Variants in ROBO2 observed in about 807,000 individuals in gnomAD.
ROBO2 encodes roundabout homolog 2.
In ROBO2, 53 loss-of-function variants were observed where a neutral mutation model predicts 160.8. The ratio of observed to expected loss-of-function variants is 0.33; its 90% CI spans 0.26 to 0.41. The LOEUF (loss-of-function observed/expected upper bound fraction) is 0.41, where lower values mean the gene tolerates loss of function less well. ROBO2 is among the 10% of genes least tolerant of loss of function. ROBO2 has a pLI of 1.00. For missense variants in ROBO2, 1,577 were observed against 1,722.4 expected (o/e 0.92, Z 1.49); for synonymous variants, 664 against 611.7 (o/e 1.09, Z -1.26).
intron 2 of ROBO2, among the ~76,000 whole-genome samples, chr3:76,645,821 C>G (rs2090939072): frequency 6.6e-6 from 1 of 152,160 alleles, no homozygotes; most frequent in South Asian, 2.1e-4. Flanking sequence ...AAAAGGCTTA[C>G]AATTACTTTC....
chr3:76,814,741 C>A (rs2065511249), intron 2 of ROBO2, among the ~76,000 whole-genome samples: 1 of 151,932 alleles, frequency 6.6e-6, no homozygotes, highest in African/African-American at 2.4e-5. Context: ...TTATAAAATT[C>A]ATCTGGTAGC....
intron 2 of ROBO2, among the ~76,000 whole-genome samples, chr3:76,965,669 TA>T (rs375028767): frequency 0.097 from 11,929 of 122,626 alleles, 1,578 homozygotes; most frequent in African/African-American, 0.31. Flanking sequence ...CTATCAAAGG[TA>T]AAAAAAAAAA....
At chr3:76,159,281 G>A (rs2072527827) in intron 2 of ROBO2, among the ~76,000 whole-genome samples, 1 of 152,108 alleles carries the variant, frequency 6.6e-6, no homozygotes, top group Admixed American at 6.6e-5. Flanking sequence ...TTTCATACAA[G>A]CCCATGAAAC....
At chr3:77,065,072 A>G (rs982165254) in intron 1 of ROBO2, among the ~76,000 whole-genome samples, 3 of 152,208 alleles carry the variant, frequency 2.0e-5, no homozygotes, top group Non-Finnish European at 4.4e-5. Context: ...AATCAAGGGC[A>G]CTAAGTAAAT....
intron 2 of ROBO2, among the ~76,000 whole-genome samples, chr3:76,637,541 G>A (rs2109598886): frequency 6.6e-6 from 1 of 152,114 alleles, no homozygotes; most frequent in East Asian, 1.9e-4. Context: ...GAGTGTGGAG[G>A]CTGATTTTTT....
intron 1 of ROBO2, among the ~76,000 whole-genome samples, chr3:77,075,615 C>A (rs760745310): frequency 3.5e-4 from 51 of 145,648 alleles, no homozygotes; most frequent in Non-Finnish European, 6.0e-4. Context: ...ACAAAATATG[C>A]TATTTTTTTA....
At chr3:77,349,097 G>A (rs1277953091) in intron 2 of ROBO2, among the ~76,000 whole-genome samples, 2 of 151,888 alleles carry the variant, frequency 1.3e-5, no homozygotes, top group Non-Finnish European at 2.9e-5. Flanking sequence ...AGGTATTTTT[G>A]TCTGCTTTTT....
At chr3:76,251,007 G>T (rs1395485983) in intron 2 of ROBO2, among the ~76,000 whole-genome samples, 1 of 152,018 alleles carries the variant, frequency 6.6e-6, no homozygotes, top group African/African-American at 2.4e-5. Flanking sequence ...ATAACCAGCT[G>T]CAGCCTTGGC....
intron 2 of ROBO2, among the ~76,000 whole-genome samples, chr3:76,118,522 TC>T: frequency 6.6e-6 from 1 of 152,174 alleles, no homozygotes; most frequent in Non-Finnish European, 1.5e-5. Flanking sequence ...TCAGATTCTT[TC>T]CCTTCAAAAG....
chr3:76,524,826 T>TAAA (rs58091252), intron 2 of ROBO2, among the ~76,000 whole-genome samples: 31 of 21,728 alleles, frequency 1.4e-3, no homozygotes, highest in Non-Finnish European at 1.8e-3. Flanking sequence ...CTCTTATTCC[T>TAAA]AAAAAAAAAA....
exon 26 of ROBO2, chr3:77,646,189 A>T: frequency 1.8e-6 from 1 of 542,562 alleles, no homozygotes; most frequent in Non-Finnish European, 3.2e-6. Flanking sequence ...ATGTAAAGAC[A>T]CACAGCCACA....
chr3:77,397,581 T>A (rs1433590457), intron 2 of ROBO2, among the ~76,000 whole-genome samples: 1 of 152,156 alleles, frequency 6.6e-6, no homozygotes, highest in Non-Finnish European at 1.5e-5. Context: ...CTTGATGCCC[T>A]CCTGTGTATT....
chr3:76,989,832 G>T (rs2060571939), intron 2 of ROBO2, among the ~76,000 whole-genome samples: 2 of 152,138 alleles, frequency 1.3e-5, no homozygotes, highest in Admixed American at 6.5e-5. Flanking sequence ...TATATAGTTT[G>T]TCTGTGTGTA....
chr3:76,657,711 TGTATATATATTCATATATGAG>T (rs1184788299), intron 2 of ROBO2, among the ~76,000 whole-genome samples: 37 of 136,588 alleles, frequency 2.7e-4, no homozygotes, highest in African/African-American at 1.2e-3. Flanking sequence ...CATATATGTG[TGTATATATATTCATATATGAG>T]TGTATATATA....
At chr3:76,560,663 C>T (rs555302207) in intron 2 of ROBO2, among the ~76,000 whole-genome samples, 4 of 150,176 alleles carry the variant, frequency 2.7e-5, no homozygotes, top group South Asian at 4.2e-4. Context: ...TACTGACTCC[C>T]GGTAAGTCTA....
At chr3:76,104,218 T>G (rs977272344) in intron 2 of ROBO2, among the ~76,000 whole-genome samples, 1 of 152,202 alleles carries the variant, frequency 6.6e-6, no homozygotes, top group Non-Finnish European at 1.5e-5. Context: ...ATACAGTGAT[T>G]TAAACCTTTT....
Position 75,971,408 on chromosome 3 carries a change from A to G in ROBO2, c.109+33806A>G, listed in dbSNP as rs2064989119. Among the ~76,000 whole-genome samples the G allele has an allele frequency of 2.0e-5, 3 of 151,512 alleles. No homozygotes were observed. The South Asian group carries it at 6.2e-4, about 31-fold the overall frequency. ...TGGAACAAAATAAGATTAAAGCAGA[A>G]TAATAGCTTAAAAATTAGGTCCAAA... On this transcript the variant is annotated intron_variant, in intron 2 of 26. Transcript: ENST00000487694.
intron 2 of ROBO2, among the ~76,000 whole-genome samples, chr3:77,452,900 A>C (rs886192779): frequency 6.6e-6 from 1 of 152,106 alleles, no homozygotes; most frequent in Non-Finnish European, 1.5e-5. Flanking sequence ...TGTTTTTTGC[A>C]GTTTTCACTT....
intron 20 of ROBO2, among the ~76,000 whole-genome samples, chr3:77,603,339 A>G (rs1352521801): frequency 1.3e-5 from 2 of 152,212 alleles, no homozygotes; most frequent in African/African-American, 4.8e-5. Flanking sequence ...AGAGAATTTT[A>G]TAATAAAAAG....
Sources: allele counts gnomAD v4.1 joint callset (sites outside exome capture counted in the v4.1 genomes callset), GRCh38; gene constraint gnomAD v4.1.1; transcripts MANE v1.5; gene names NCBI Gene and HGNC (gene_info 2026-07-23, HGNC 2026-07-21).